NREP: variants seen among roughly 807,000 people sequenced by gnomAD.
The protein encoded by NREP is neuronal regeneration related protein, also known as neuronal regeneration-related protein.
Under a neutral mutation model 8.6 loss-of-function variants are expected in NREP, and 5 were observed. That is an observed-to-expected ratio of 0.58 (90% CI 0.30 to 1.22). NREP has a LOEUF of 1.22. NREP is among the 50% of genes most tolerant of loss of function. NREP has a pLI of 0.07. For synonymous variants in NREP, 27 were observed against 28.0 expected (o/e 0.96, Z 0.11); for missense variants, 86 against 82.5 (o/e 1.04, Z -0.17).
At chr5:111,916,411 C>T (rs752467004) in intron 2 of NREP, among the ~76,000 whole-genome samples, 1 of 152,114 alleles carries the variant, frequency 6.6e-6, no homozygotes, top group Non-Finnish European at 1.5e-5. Flanking sequence ...ACTGACATCA[C>T]TGCCATTGCT....
At chr5:111,972,422 A>G (rs1756847407) in intron 2 of NREP, among the ~76,000 whole-genome samples, 4 of 152,344 alleles carry the variant, frequency 2.6e-5, no homozygotes, top group Admixed American at 2.6e-4. Context: ...GTGGTTTTCA[A>G]ACCTAAAGAT....
intron 2 of NREP, among the ~76,000 whole-genome samples, chr5:111,866,579 C>T (rs151046544): frequency 0.068 from 10,302 of 152,202 alleles, 385 homozygotes; most frequent in African/African-American, 0.088. Flanking sequence ...TTGTGGAAGT[C>T]GGTGTGGCAA....
intron 2 of NREP, among the ~76,000 whole-genome samples, chr5:111,820,597 A>C (rs1752494106): frequency 1.3e-5 from 2 of 152,152 alleles, no homozygotes; most frequent in South Asian, 4.1e-4. Flanking sequence ...GAAAGAGACA[A>C]AACTGGGACA....
At chr5:111,830,186 TTGTTAA>T (rs1391193089) in intron 2 of NREP, among the ~76,000 whole-genome samples, 1 of 152,196 alleles carries the variant, frequency 6.6e-6, no homozygotes, top group African/African-American at 2.4e-5. Flanking sequence ...TCATCAGCTA[TTGTTAA>T]TGTTAGTGTA....
intron 2 of NREP, among the ~76,000 whole-genome samples, chr5:111,876,964 T>C (rs1362627678): frequency 6.6e-6 from 1 of 152,228 alleles, no homozygotes; most frequent in African/African-American, 2.4e-5. Flanking sequence ...GTCTGTGCTC[T>C]TGATCATATG....
intron 2 of NREP, among the ~76,000 whole-genome samples, chr5:111,797,509 T>C (rs921845624): frequency 1.7e-4 from 26 of 152,292 alleles, no homozygotes; most frequent in East Asian, 3.9e-4. Context: ...TTTTATGGAG[T>C]TCATCACTTA....
chr5:111,824,578 A>T (rs543815871), intron 2 of NREP, among the ~76,000 whole-genome samples: 6 of 152,264 alleles, frequency 3.9e-5, no homozygotes, highest in Middle Eastern at 3.4e-3. Context: ...GTACTTTTTT[A>T]TCTATAGAAA....
intron 2 of NREP, among the ~76,000 whole-genome samples, chr5:111,955,006 A>T (rs888046149): frequency 5.9e-5 from 9 of 152,156 alleles, no homozygotes; most frequent in Non-Finnish European, 8.8e-5. Flanking sequence ...TCCAATGAAG[A>T]TGCATGAGGA....
intron 2 of NREP, among the ~76,000 whole-genome samples, chr5:111,740,521 C>G (rs1365463634): frequency 1.3e-5 from 2 of 151,988 alleles, no homozygotes; most frequent in Non-Finnish European, 2.9e-5. Flanking sequence ...TGAAAAATAA[C>G]TGCATTTTTA....
chr5:111,784,285 A>G (rs1751559580), intron 2 of NREP, among the ~76,000 whole-genome samples: 1 of 152,154 alleles, frequency 6.6e-6, no homozygotes, highest in African/African-American at 2.4e-5. Flanking sequence ...ACTGGCCAGA[A>G]TTCTGTGGGT....
chr5:111,906,585 T>G (rs777234909), intron 2 of NREP, among the ~76,000 whole-genome samples: 4 of 152,122 alleles, frequency 2.6e-5, no homozygotes, highest in Non-Finnish European at 5.9e-5. Context: ...ATTTTAGTGA[T>G]ATCACAAATG....
chr5:111,908,093 A>G (rs369309268), intron 2 of NREP, among the ~76,000 whole-genome samples: 1 of 152,060 alleles, frequency 6.6e-6, no homozygotes, highest in African/African-American at 2.4e-5. Flanking sequence ...GTAAATGACT[A>G]CTAAGCTTCC....
intron 2 of NREP, among the ~76,000 whole-genome samples, chr5:111,836,286 A>G (rs1169110977): frequency 6.6e-6 from 1 of 152,092 alleles, no homozygotes; most frequent in African/African-American, 2.4e-5. Context: ...ATTAGAATAG[A>G]AAGGGAAAGG....
intron 2 of NREP, among the ~76,000 whole-genome samples, chr5:111,893,969 G>C (rs943646396): frequency 2.0e-5 from 3 of 152,064 alleles, no homozygotes; most frequent in Admixed American, 6.5e-5. Context: ...TGTAATCCCA[G>C]CACCTTGGGA....
upstream of NREP, among the ~76,000 whole-genome samples, chr5:111,761,304 T>C (rs75914698): frequency 0.027 from 4,112 of 152,300 alleles, 190 homozygotes; most frequent in African/African-American, 0.094. Context: ...TCTGGTCAGA[T>C]TGAATGAGGG....
chr5:111,820,758 G>A (rs1225187466), intron 2 of NREP, among the ~76,000 whole-genome samples: 1 of 152,098 alleles, frequency 6.6e-6, no homozygotes, highest in Non-Finnish European at 1.5e-5. Context: ...ATTTGTAGCT[G>A]AATTATATTA....
chr5:111,804,709 A>AG (rs397944711), intron 2 of NREP, among the ~76,000 whole-genome samples: 4 of 152,152 alleles, frequency 2.6e-5, no homozygotes, highest in South Asian at 4.2e-4. Context: ...GAAAAAAAAA[A>AG]CAAACAAACA....
chr5:111,868,832 TC>T (rs1221577196), intron 2 of NREP, among the ~76,000 whole-genome samples: 3 of 146,150 alleles, frequency 2.1e-5, no homozygotes, highest in Admixed American at 2.0e-4. Flanking sequence ...ATCCAGTTTT[TC>T]TTTTTTTTTT....
intron 2 of NREP, among the ~76,000 whole-genome samples, chr5:111,925,419 C>A (rs1755358566): frequency 1.3e-5 from 2 of 152,122 alleles, no homozygotes; most frequent in Admixed American, 1.3e-4. Context: ...ACTTTACAGA[C>A]CTCTAAAGCA....
Sources: gnomAD v4.1 joint callset for allele counts (sites outside exome capture counted in the v4.1 genomes callset) on GRCh38, gnomAD v4.1.1 for gene constraint, MANE v1.5 for transcripts, NCBI Gene and HGNC (gene_info 2026-07-23, HGNC 2026-07-21) for gene names.